Variants in ELMO1 observed in about 807,000 individuals in gnomAD.
ELMO1 encodes the protein engulfment and cell motility 1, also known as engulfment and cell motility protein 1.
In ELMO1, 26 loss-of-function variants were observed where a neutral mutation model predicts 98.9. The observed-to-expected ratio is 0.26, with a 90% confidence interval of 0.19 to 0.36. The LOEUF (loss-of-function observed/expected upper bound fraction) is 0.36. ELMO1 is among the 10% of genes least tolerant of loss of function. ELMO1 has a pLI of 1.00. For synonymous variants in ELMO1, 346 were observed against 346.0 expected (o/e 1.00, Z 0.00); for missense variants, 627 against 935.2 (o/e 0.67, Z 4.30).
intron 2 of ELMO1, among the ~76,000 whole-genome samples, chr7:37,324,081 C>T (rs1447361788): frequency 1.3e-5 from 2 of 150,714 alleles, no homozygotes; most frequent in Non-Finnish European, 2.9e-5. Context: ...CCCAGGAGAC[C>T]CCCCAGCTGT....
At chr7:37,296,524 G>A (rs912353768) in intron 4 of ELMO1, among the ~76,000 whole-genome samples, 1 of 152,174 alleles carries the variant, frequency 6.6e-6, no homozygotes. Flanking sequence ...AATCCTCGTT[G>A]CCATACGCTG....
At chr7:36,968,580 G>GAATTTATGT in intron 16 of ELMO1, among the ~76,000 whole-genome samples, 1 of 152,134 alleles carries the variant, frequency 6.6e-6, no homozygotes, top group South Asian at 2.1e-4. Flanking sequence ...ATTTTAATCA[G>GAATTTATGT]CTCTATGTCT....
In ELMO1 at chr7:37,416,778, T is replaced by G. The variant is rs369848395; in HGVS notation, c.-74+31897A>C. On this transcript the variant is annotated intron_variant, in intron 1 of 21. Transcript: ENST00000310758. Reference sequence around the variant, plus strand: ...TATAGGTCAGCTGCAAAGAGTAGCATAAGAGATTTTAATCAAGCAAATACT... The same window carrying G: ...TATAGGTCAGCTGCAAAGAGTAGCAGAAGAGATTTTAATCAAGCAAATACT... Among the ~76,000 whole-genome samples, 25 of 152,322 alleles carry G rather than the reference T, an allele frequency of 1.6e-4. No individual in the cohort carries two copies. The East Asian group carries it at 4.2e-3, about 26-fold the overall frequency.
At chr7:37,248,659 T>C (rs1795150721) in intron 6 of ELMO1, among the ~76,000 whole-genome samples, 1 of 152,212 alleles carries the variant, frequency 6.6e-6, no homozygotes, top group African/African-American at 2.4e-5. Flanking sequence ...TGGGGTTGAC[T>C]GCAGAGACCA....
chr7:37,175,051 G>C (rs1053783751), intron 13 of ELMO1, among the ~76,000 whole-genome samples: 4 of 152,126 alleles, frequency 2.6e-5, no homozygotes, highest in Non-Finnish European at 1.5e-5. Flanking sequence ...GGAGGGGGCA[G>C]AGAGAAAGGT....
intron 2 of ELMO1, among the ~76,000 whole-genome samples, chr7:37,332,204 C>A (rs992247132): frequency 1.3e-5 from 2 of 152,102 alleles, no homozygotes; most frequent in African/African-American, 2.4e-5. Context: ...TTTCCTAAAG[C>A]CAATTTATAA....
intron 16 of ELMO1, among the ~76,000 whole-genome samples, chr7:36,916,969 G>A (rs1170693299): frequency 6.6e-6 from 1 of 152,224 alleles, no homozygotes; most frequent in Non-Finnish European, 1.5e-5. Flanking sequence ...CAGCCTGGCT[G>A]TAATGTGATT....
intron 7 of ELMO1, among the ~76,000 whole-genome samples, chr7:37,242,242 C>T (rs143583445): frequency 7.2e-5 from 11 of 152,308 alleles, no homozygotes; most frequent in African/African-American, 1.9e-4. Context: ...TCTTCAACCT[C>T]ATACAGTAAA....
In ELMO1 at chr7:37,290,942, G is replaced by A. The variant is rs566236602; in HGVS notation, c.193-19060C>T. Among the ~76,000 whole-genome samples, 5 of 152,146 alleles carry A rather than the reference G, an allele frequency of 3.3e-5. No individual in the cohort carries two copies. In the East Asian group the frequency reaches 9.7e-4, roughly 29 times the overall value. ...AAGATGATGACACTGAAGAAGAGAAGAGAAAGAGGAAGAAAAAGGCACAGA... is the reference window on the plus strand; with the variant it reads ...AAGATGATGACACTGAAGAAGAGAAAAGAAAGAGGAAGAAAAAGGCACAGA... On this transcript the variant is annotated intron_variant, in intron 4 of 21. Coordinates refer to ENST00000310758, the MANE Select transcript of ELMO1 (RefSeq NM_014800.11).
rs77911487 is a variant in ELMO1, at chr7:37,331,612, T to A, written c.78+11001A>T. Among the ~76,000 whole-genome samples, 4 of 151,622 alleles carry A rather than the reference T, an allele frequency of 2.6e-5. No individual in the cohort carries two copies. In the East Asian group the frequency reaches 5.8e-4, roughly 22 times the overall value. On this transcript the variant is annotated intron_variant, in intron 2 of 21. Coordinates refer to ENST00000310758, the MANE Select transcript of ELMO1 (RefSeq NM_014800.11). ...AGATATTATGCTCTCTCTTTTGAAG[T>A]GCTTTGAGGATACTCAACACACACC...
intron 1 of ELMO1, among the ~76,000 whole-genome samples, chr7:37,373,310 A>C (rs6966351): frequency 0.25 from 38,583 of 152,070 alleles, 5,200 homozygotes; most frequent in Non-Finnish European, 0.31. Context: ...TTTTCCATTA[A>C]AAGAATTACA....
At chr7:36,964,434 C>T (rs920070625) in intron 16 of ELMO1, among the ~76,000 whole-genome samples, 1 of 152,068 alleles carries the variant, frequency 6.6e-6, no homozygotes, top group Non-Finnish European at 1.5e-5. Context: ...AAAGTAAAAA[C>T]CAGAATGGTT....
At chr7:36,982,430 T>A (rs1354055661) in intron 16 of ELMO1, among the ~76,000 whole-genome samples, 1 of 152,246 alleles carries the variant, frequency 6.6e-6, no homozygotes, top group African/African-American at 2.4e-5. Context: ...CTTTTTACTT[T>A]TTTCAGGTGA....
intron 15 of ELMO1, among the ~76,000 whole-genome samples, chr7:37,072,109 G>T (rs992822004): frequency 6.6e-6 from 1 of 152,088 alleles, no homozygotes; most frequent in African/African-American, 2.4e-5. Context: ...CTACTCTATA[G>T]GCTTTCGGCA....
At chr7:37,272,900 G>C (rs1414342876) in intron 4 of ELMO1, among the ~76,000 whole-genome samples, 1 of 152,172 alleles carries the variant, frequency 6.6e-6, no homozygotes, top group Non-Finnish European at 1.5e-5. Context: ...TGCTCCATGG[G>C]TCCAGTGTTT....
intron 15 of ELMO1, among the ~76,000 whole-genome samples, chr7:37,055,800 T>C (rs1356981059): frequency 6.6e-6 from 1 of 152,126 alleles, no homozygotes; most frequent in African/African-American, 2.4e-5. Flanking sequence ...ATCCTCACTG[T>C]CCCTGTCAGC....
intron 14 of ELMO1, among the ~76,000 whole-genome samples, chr7:37,130,747 A>G (rs769754023): frequency 9.4e-5 from 13 of 137,828 alleles, no homozygotes; most frequent in Non-Finnish European, 1.7e-4. Flanking sequence ...TTGTGCATAT[A>G]TACATGTGTT....
intron 16 of ELMO1, among the ~76,000 whole-genome samples, chr7:36,906,705 C>T (rs559246479): frequency 6.6e-6 from 1 of 152,054 alleles, no homozygotes; most frequent in African/African-American, 2.4e-5. Context: ...GTGGGAGGAT[C>T]GCTTGAGCCC....
At chr7:37,416,990 A>G (rs10260856) in intron 1 of ELMO1, among the ~76,000 whole-genome samples, 25,496 of 152,240 alleles carry the variant, frequency 0.17, 2,316 homozygotes, top group South Asian at 0.26. Context: ...GACTGCAAGC[A>G]ACTAGCTGTA....
Sources: gnomAD v4.1 joint callset for allele counts (sites outside exome capture counted in the v4.1 genomes callset) on GRCh38, gnomAD v4.1.1 for gene constraint, MANE v1.5 for transcripts, NCBI Gene and HGNC (gene_info 2026-07-23, HGNC 2026-07-21) for gene names.